Variants in KBTBD2 observed in about 807,000 individuals in gnomAD.
KBTBD2 encodes the protein kelch repeat and BTB domain-containing protein 2.
A neutral mutation model predicts 57.1 loss-of-function variants in KBTBD2; 17 were observed. That is an observed-to-expected ratio of 0.30 (90% confidence interval 0.20 to 0.45). KBTBD2 has a LOEUF of 0.45. KBTBD2 is among the 20% of genes least tolerant of loss of function. The pLI, the probability that KBTBD2 is intolerant of heterozygous loss-of-function variation, is 1.00. For missense variants in KBTBD2, 515 were observed against 750.6 expected (o/e 0.69, Z 3.67); for synonymous variants, 267 against 262.7 (o/e 1.02, Z -0.16).
intron 1 of KBTBD2, among the ~76,000 whole-genome samples, chr7:32,885,934 A>G (rs984625622): frequency 9.4e-5 from 14 of 148,614 alleles, no homozygotes; most frequent in Non-Finnish European, 1.9e-4. Flanking sequence ...TTAAAGACAG[A>G]GTCTCGCTCT....
chr7:32,885,315 T>C (rs1375837186), intron 1 of KBTBD2, among the ~76,000 whole-genome samples: 1 of 151,976 alleles, frequency 6.6e-6, no homozygotes, highest in African/African-American at 2.4e-5. Context: ...GAATTAAATA[T>C]AATTCTTAAT....
chr7:32,884,962 G>A (rs1784532360), intron 1 of KBTBD2, among the ~76,000 whole-genome samples: 1 of 130,420 alleles, frequency 7.7e-6, no homozygotes, highest in Admixed American at 7.8e-5. Context: ...ATATATATAT[G>A]TGTGTATGTG....
chr7:32,876,865 G>A (rs1047864027), intron 2 of KBTBD2, among the ~76,000 whole-genome samples: 2 of 152,014 alleles, frequency 1.3e-5, no homozygotes, highest in Non-Finnish European at 2.9e-5. Context: ...GCTGAGGCAG[G>A]AAAATCACTT....
Position 32,869,722 on chromosome 7 carries a change from C to T in KBTBD2, c.1495G>A (p.Val499Met). ...SGTVDGSSVT[V>M]EIYDVNKNEW... ...TTTTTATTCACATCATAAATTTCCACAGTTACTGAAGACCCATCTACAGTG... is the reference window on the plus strand; with the variant it reads ...TTTTTATTCACATCATAAATTTCCATAGTTACTGAAGACCCATCTACAGTG... The change falls in exon 4 of 4, where the codon GTG (valine) becomes ATG (methionine). Residue 499 changes from valine (V) to methionine (M), a missense_variant. By Grantham distance (21) the Val-to-Met change is conservative. Coordinates refer to ENST00000304056, the MANE Select transcript of KBTBD2 (RefSeq NM_015483.3). 1 of 1,614,066 alleles carries T rather than the reference C, an allele frequency of 6.2e-7. No individual in the cohort carries two copies. Among genetic ancestry groups the T allele is most frequent in the Non-Finnish European group, 8.5e-7 (1 of 1,180,000 alleles).
intron 1 of KBTBD2, among the ~76,000 whole-genome samples, chr7:32,886,111 C>T (rs543217475): frequency 1.3e-5 from 2 of 151,968 alleles, no homozygotes; most frequent in East Asian, 1.9e-4. Flanking sequence ...GGTTTCACCA[C>T]GTTGGCCAAG....
intron 1 of KBTBD2, among the ~76,000 whole-genome samples, chr7:32,888,694 CAAAAAA>C (rs1229378677): frequency 4.1e-5 from 4 of 98,486 alleles, no homozygotes; most frequent in Non-Finnish European, 4.4e-5. Context: ...GACTCCGTCC[CAAAAAA>C]AAAAAAAAAA....
intron 3 of KBTBD2, among the ~76,000 whole-genome samples, chr7:32,871,752 C>T (rs371153525): frequency 2.0e-5 from 3 of 152,134 alleles, no homozygotes. Flanking sequence ...ATCAGTACAC[C>T]ATCTGGTACT....
intron 3 of KBTBD2, among the ~76,000 whole-genome samples, chr7:32,871,483 A>G (rs1336204546): frequency 6.6e-6 from 1 of 152,198 alleles, no homozygotes; most frequent in East Asian, 1.9e-4. Context: ...TTTTCTTAAG[A>G]AGGTAGATCT....
chr7:32,883,937 G>A (rs762021865), intron 1 of KBTBD2, among the ~76,000 whole-genome samples: 4 of 152,192 alleles, frequency 2.6e-5, no homozygotes, highest in Non-Finnish European at 5.9e-5. Context: ...TAAAAGCCAA[G>A]AAGCAAGCAA....
rs1784754356 is a variant in KBTBD2 at position 32,891,754 on chromosome 7, G to A, written c.-557C>T. 1 of 151,814 alleles carries A rather than the reference G, an allele frequency of 6.6e-6. No homozygotes were observed. The highest frequency in any genetic ancestry group is 1.5e-5 in the Non-Finnish European group (1 of 67,864). 9.4% of individuals were successfully genotyped at this position (151,814 alleles called of 1,614,324 possible). On this transcript the variant is annotated 5_prime_UTR_variant, in exon 1 of 4. It adds an upstream start codon to the 5' untranslated region. Transcript: ENST00000304056. ...TGGTCCGTCCAGCGCGGAAAGCAGC[G>A]TCCTCTGCGGGCGCCGCCGCACGCT... is the stretch of plus-strand genomic sequence containing the variant.
Position 32,870,680 on chromosome 7 carries a change from A to G in KBTBD2, c.537T>C (p.Asp179=). 6.2e-7 allele frequency: 1 copy of G among 1,613,896 alleles called. No individual in the cohort carries two copies. The highest frequency in any genetic ancestry group is 8.5e-7 in the Non-Finnish European group (1 of 1,179,774). ...FMQLSHDLLI[D]ILSSDNLNVE... is the part of the protein sequence containing the mutation. ...CATTTAAATTGTCACTACTGAGAAT[A>G]TCTATCAGTAGGTCATGTGACAGCT... is the stretch of plus-strand genomic sequence containing the variant. The change falls in exon 4 of 4, where the codon GAT becomes GAC. Residue 179 remains aspartate, a synonymous_variant. Coordinates refer to ENST00000304056, the MANE Select transcript of KBTBD2 (RefSeq NM_015483.3).
upstream of KBTBD2, chr7:32,891,908 G>A (rs1412101723): frequency 1.2e-3 from 14 of 11,444 alleles, no homozygotes; most frequent in South Asian, 0.014. Flanking sequence ...CCCCGCCCCC[G>A]CCGCGCGCTC....
rs191742917 is a variant in KBTBD2, at chr7:32,879,140, G to A, written c.170+295C>T. ...AAAGGCAGCATTTTAAAATCTCAAA[G>A]TGTAAATTATCCCATTTTTCTTTCT... On this transcript the variant is annotated intron_variant, in intron 2 of 3. Coordinates refer to ENST00000304056, the MANE Select transcript of KBTBD2 (RefSeq NM_015483.3). Among the ~76,000 whole-genome samples the A allele has an allele frequency of 2.1e-3, 295 of 143,426 alleles. 6 individuals carry two copies. The highest frequency in any genetic ancestry group is 0.019 in the Admixed American group (279 of 14,686). 94.1% of individuals were successfully genotyped at this position (143,426 alleles called of 152,430 possible).
At position 32,870,401 on chromosome 7, in the gene KBTBD2, A is replaced by G; in HGVS notation, c.816T>C (p.Ile272=). ...TACAAGGATTTTCTGAAGATGCTTCAATGAAAATCATCATTTCCTCTTTAG... is the reference window on the plus strand; with the variant it reads ...TACAAGGATTTTCTGAAGATGCTTCGATGAAAATCATCATTTCCTCTTTAG... ...GMTKEEMMIF[I]EASSENPCSL... The change falls in exon 4 of 4, where the codon ATT becomes ATC. Residue 272 remains isoleucine (I), a synonymous_variant. Transcript: ENST00000304056. 1 of 1,613,906 alleles carries G rather than the reference A, an allele frequency of 6.2e-7. No individual in the cohort carries two copies. Among genetic ancestry groups the G allele is most frequent in the Non-Finnish European group, 8.5e-7 (1 of 1,179,898 alleles).
chr7:32,869,545 G>T lies in KBTBD2; in HGVS notation c.1672C>A (p.Leu558Ile), dbSNP rs1784116503. The T allele has an allele frequency of 1.2e-6, 2 of 1,614,036 alleles. No individual in the cohort carries two copies. Among genetic ancestry groups the T allele is most frequent in the Non-Finnish European group, 8.5e-7 (1 of 1,180,030 alleles). ...TGCTGCCGCAGAGACCACCGGTCAAGTTCCAGGTCATATTGGTAGGTGACG... is the reference window on the plus strand; with the variant it reads ...TGCTGCCGCAGAGACCACCGGTCAATTTCCAGGTCATATTGGTAGGTGACG... ...KYVTYQYDLE[L>I]DRWSLRQHIS... The change falls in exon 4 of 4, where the codon CTT (leucine) becomes ATT (isoleucine). Residue 558 changes from leucine to isoleucine, a missense_variant. Physicochemically the swap from Leu to Ile is conservative, Grantham distance 5. Transcript: ENST00000304056.
intron 1 of KBTBD2, chr7:32,891,263 C>A (rs1041035715): frequency 6.7e-6 from 1 of 149,494 alleles, no homozygotes; most frequent in African/African-American, 2.4e-5. Flanking sequence ...AAACGCCCAG[C>A]TAGCGGCGTA....
intron 1 of KBTBD2, among the ~76,000 whole-genome samples, chr7:32,889,002 G>A (rs946512614): frequency 2.0e-5 from 3 of 152,106 alleles, no homozygotes; most frequent in East Asian, 1.9e-4. Context: ...TCACCTCTGC[G>A]CAGTGACTTA....
chr7:32,879,818 T>G lies in KBTBD2; in HGVS notation c.-214A>C, dbSNP rs1784404123. On this transcript the variant is annotated 5_prime_UTR_variant, in exon 2 of 4. Coordinates refer to ENST00000304056, the MANE Select transcript of KBTBD2 (RefSeq NM_015483.3). ...CCTGTGTTAATTAGGTTCTTCAGAG[T>G]TTTTCAACACAGTCTGCAGACATTG... 1.1e-4 allele frequency: 49 copies of G among 461,808 alleles called. No individual in the cohort carries two copies. The South Asian group carries it at 1.6e-3, about 15-fold the overall frequency. The allele number at this position is 461,808 out of a possible 1,614,324, so 28.6% of individuals were successfully genotyped here.
In KBTBD2 at chr7:32,869,539, G is replaced by A. The variant is rs766702230; in HGVS notation, c.1678C>T (p.Arg560Trp). 6.8e-6 allele frequency: 11 copies of A among 1,614,098 alleles called. No homozygotes were observed. Among genetic ancestry groups the A allele is most frequent in the Admixed American group, 5.0e-5 (3 of 60,010 alleles). Residue 560 changes from arginine to tryptophan, a missense_variant, in exon 4 of 4, where the codon CGG becomes TGG. Coordinates refer to ENST00000304056, the MANE Select transcript of KBTBD2 (RefSeq NM_015483.3). The part of the protein sequence containing the change: ...VTYQYDLELD[R>W]WSLRQHISER... ...GATATATGCTGCCGCAGAGACCACC[G>A]GTCAAGTTCCAGGTCATATTGGTAG...
Sources: gnomAD v4.1 joint callset for allele counts (sites outside exome capture counted in the v4.1 genomes callset) on GRCh38, gnomAD v4.1.1 for gene constraint, MANE v1.5 for transcripts, NCBI Gene and HGNC (gene_info 2026-07-23, HGNC 2026-07-21) for gene names.